The following ZBTB20 variants were observed in gnomAD, a reference collection of about 807,000 sequenced individuals.
ZBTB20 encodes the protein zinc finger and BTB domain-containing protein 20.
A neutral mutation model predicts 56.9 loss-of-function variants in ZBTB20; 9 were observed. That is an observed-to-expected ratio of 0.16 (90% CI 0.10 to 0.28). The LOEUF is 0.28. Ranked by LOEUF, ZBTB20 falls within the 10% of genes least tolerant of loss-of-function variation. The pLI, the probability that ZBTB20 is intolerant of heterozygous loss-of-function variation, is 1.00. For missense variants in ZBTB20, 655 were observed against 1,003.0 expected, an observed-to-expected ratio of 0.65 and a Z score of 4.69; for synonymous variants, 417 against 420.7, an observed-to-expected ratio of 0.99 and a Z score of 0.11.
At chr3:114,386,124 C>T (rs753164107) in intron 8 of ZBTB20, among the ~76,000 whole-genome samples, 12 of 152,146 alleles carry the variant, frequency 7.9e-5, no homozygotes, top group Non-Finnish European at 1.8e-4. Flanking sequence ...GCCCATCAAG[C>T]CTGGACACTA....
chr3:115,106,206 G>T (rs375082380), intron 1 of ZBTB20, among the ~76,000 whole-genome samples: 20 of 149,116 alleles, frequency 1.3e-4, no homozygotes, highest in South Asian at 2.2e-4. Flanking sequence ...AAAGTTAATT[G>T]TAAGTGGCGT....
intron 6 of ZBTB20, among the ~76,000 whole-genome samples, chr3:114,667,505 C>A (rs906469383): frequency 5.3e-5 from 8 of 151,960 alleles, no homozygotes; most frequent in African/African-American, 1.7e-4. Flanking sequence ...TTTATGGCAG[C>A]CTAACCTCCA....
At chr3:114,703,387 T>C (rs1412862132) in intron 5 of ZBTB20, among the ~76,000 whole-genome samples, 3 of 152,144 alleles carry the variant, frequency 2.0e-5, no homozygotes, top group Non-Finnish European at 2.9e-5. Flanking sequence ...TATTTGTACA[T>C]TTCAAGGAAT....
At position 114,351,212 on chromosome 3, in the gene ZBTB20, G is replaced by A; in HGVS notation, c.866C>T (p.Thr289Ile). The change falls in exon 11 of 12, where the codon ACA (threonine) becomes ATA (isoleucine). Residue 289 changes from threonine (T) to isoleucine (I), a missense_variant. Coordinates refer to ENST00000675478, the MANE Select transcript of ZBTB20 (RefSeq NM_001348800.3). ...CTGCTGCGAGCGCTCATGGATGCGT[G>A]TGATCCAGCTGGGGTCTTCCATGTG... ...DHHMEDPSWI[T>I]RIHERSQQME... The A allele has an allele frequency of 6.2e-7, 1 of 1,602,270 alleles. No homozygotes were observed. Among genetic ancestry groups the A allele is most frequent in the Non-Finnish European group, 8.5e-7 (1 of 1,179,592 alleles).
chr3:114,621,208 A>T (rs368320296), intron 6 of ZBTB20, among the ~76,000 whole-genome samples: 8 of 152,204 alleles, frequency 5.3e-5, no homozygotes, highest in Admixed American at 1.3e-4. Context: ...TTGCTGAAGG[A>T]TAATTACCAA....
chr3:114,614,459 C>T (rs1275763551), intron 6 of ZBTB20, among the ~76,000 whole-genome samples: 1 of 152,136 alleles, frequency 6.6e-6, no homozygotes, highest in Non-Finnish European at 1.5e-5. Context: ...TCTCTTCAAG[C>T]TTCCTTTCCT....
intron 10 of ZBTB20, among the ~76,000 whole-genome samples, chr3:114,355,012 G>T (rs1560124096): frequency 6.6e-6 from 1 of 152,180 alleles, no homozygotes; most frequent in Non-Finnish European, 1.5e-5. Context: ...GCCTCTTAAA[G>T]CTTTTTCCAC....
intron 2 of ZBTB20, among the ~76,000 whole-genome samples, chr3:115,049,610 G>GCATC (rs1476711200): frequency 1.3e-5 from 2 of 151,958 alleles, no homozygotes; most frequent in African/African-American, 4.8e-5. Context: ...TCCACTTCTG[G>GCATC]CATCATGGCA....
intron 1 of ZBTB20, among the ~76,000 whole-genome samples, chr3:115,096,188 T>C (rs1489685960): frequency 3.3e-5 from 5 of 152,220 alleles, no homozygotes; most frequent in Admixed American, 2.0e-4. Flanking sequence ...ATGATAACTC[T>C]GGCAGGTACA....
At chr3:114,962,979 C>T (rs1168828724) in intron 3 of ZBTB20, among the ~76,000 whole-genome samples, 1 of 151,866 alleles carries the variant, frequency 6.6e-6, no homozygotes, top group Non-Finnish European at 1.5e-5. Flanking sequence ...TTATTTAAGC[C>T]TAGTTTTTTT....
chr3:114,911,924 C>T (rs1279375506), intron 3 of ZBTB20, among the ~76,000 whole-genome samples: 5 of 151,666 alleles, frequency 3.3e-5, no homozygotes, highest in African/African-American at 7.3e-5. Flanking sequence ...AGCATAAAGG[C>T]TTCCAAGAGA....
At chr3:114,981,797 C>A (rs1198668114) in intron 2 of ZBTB20, among the ~76,000 whole-genome samples, 1 of 152,000 alleles carries the variant, frequency 6.6e-6, no homozygotes, top group African/African-American at 2.4e-5. Context: ...TTGCAGAGTT[C>A]GGATTCCTAC....
At chr3:114,517,720 C>T (rs1445184885) in intron 6 of ZBTB20, among the ~76,000 whole-genome samples, 1 of 151,938 alleles carries the variant, frequency 6.6e-6, no homozygotes, top group Non-Finnish European at 1.5e-5. Flanking sequence ...GGATTACAGG[C>T]ACCTGCTACC....
chr3:114,626,452 T>G (rs959003973), intron 6 of ZBTB20, among the ~76,000 whole-genome samples: 59 of 152,312 alleles, frequency 3.9e-4, no homozygotes, highest in African/African-American at 1.4e-3. Flanking sequence ...ATTATTTGAT[T>G]ATCATATCAT....
At chr3:114,673,821 A>G (rs1396052482) in intron 6 of ZBTB20, among the ~76,000 whole-genome samples, 1 of 152,212 alleles carries the variant, frequency 6.6e-6, no homozygotes, top group East Asian at 1.9e-4. Context: ...AAATACGTTC[A>G]TAATGTATCC....
At position 114,332,143 on chromosome 3, in the gene ZBTB20, T is replaced by G. The variant is rs1011069369; in HGVS notation, c.*6862A>C. ...TCTAAACCAAAGAAACCTCTGAATT[T>G]GAAACAGGGTTAGTAGGGACTTTTA... On this transcript the variant is annotated 3_prime_UTR_variant, in exon 12 of 12. Coordinates refer to ENST00000675478, the MANE Select transcript of ZBTB20 (RefSeq NM_001348800.3). 3 of 150,448 alleles carry G rather than the reference T, an allele frequency of 2.0e-5. No individual in the cohort carries two copies. The highest frequency in any genetic ancestry group is 7.4e-5 in the African/African-American group (3 of 40,798). The allele number at this position is 150,448 out of a possible 1,614,324, so 9.3% of individuals were successfully genotyped here. A position where few individuals can be genotyped will look rare whatever the true frequency, so the allele number is the denominator to read the frequency against.
intron 6 of ZBTB20, among the ~76,000 whole-genome samples, chr3:114,617,575 G>A (rs2058025602): frequency 6.6e-6 from 1 of 152,120 alleles, no homozygotes; most frequent in South Asian, 2.1e-4. Flanking sequence ...AGCAACTTGA[G>A]ACCATGTTGT....
intron 5 of ZBTB20, among the ~76,000 whole-genome samples, chr3:114,726,684 G>T (rs1238914595): frequency 6.6e-6 from 1 of 152,022 alleles, no homozygotes; most frequent in African/African-American, 2.4e-5. Context: ...AGGCCAAGGT[G>T]GGCGGATCAC....
At chr3:114,752,404 A>G (rs2067636282) in intron 5 of ZBTB20, among the ~76,000 whole-genome samples, 1 of 152,212 alleles carries the variant, frequency 6.6e-6, no homozygotes, top group Non-Finnish European at 1.5e-5. Flanking sequence ...TAAGGTTTGA[A>G]TTAGTGCTAT....
Sources: gnomAD v4.1 joint callset for allele counts (sites outside exome capture counted in the v4.1 genomes callset) on GRCh38, gnomAD v4.1.1 for gene constraint, MANE v1.5 for transcripts, NCBI Gene and HGNC (gene_info 2026-07-23, HGNC 2026-07-21) for gene names.